Variants in ARMC2 observed in about 807,000 individuals in gnomAD.
ARMC2 encodes armadillo repeat containing 2.
A neutral mutation model predicts 90.3 loss-of-function variants in ARMC2; 67 were observed. The ratio of observed to expected loss-of-function variants is 0.74; its 90% CI spans 0.61 to 0.91. ARMC2 has a LOEUF of 0.91. ARMC2 is among the 40% of genes least tolerant of loss of function. The pLI is 0.00. For missense variants in ARMC2, 920 were observed against 1,030.9 expected, an observed-to-expected ratio of 0.89 and a Z score of 1.47; for synonymous variants, 393 against 393.0, an observed-to-expected ratio of 1.00 and a Z score of 0.00.
chr6:109,000,771 G>A, the ARMC2 span: 5 of 1,047,198 alleles, frequency 4.8e-6, no homozygotes, highest in Non-Finnish European at 6.2e-6. Context: ...AAGTTTATTA[G>A]TATGTTTTCA....
the ARMC2 span, among the ~76,000 whole-genome samples, chr6:109,041,188 T>C: frequency 6.6e-6 from 1 of 150,520 alleles, no homozygotes; most frequent in Non-Finnish European, 1.5e-5. Context: ...GGCATGCACC[T>C]ATAGTCCCAG....
At chr6:108,850,540 C>T (rs1773898467) in intron 1 of ARMC2, among the ~76,000 whole-genome samples, 1 of 152,182 alleles carries the variant, frequency 6.6e-6, no homozygotes, top group Non-Finnish European at 1.5e-5. Context: ...TTGAGTCCTA[C>T]TCTGTGCCAG....
chr6:108,989,584 TAGAG>T, the ARMC2 span, among the ~76,000 whole-genome samples: 235 of 140,516 alleles, frequency 1.7e-3, no homozygotes, highest in African/African-American at 5.1e-3. Flanking sequence ...TATCTATATA[TAGAG>T]AGAGATAGAG....
intron 2 of ARMC2, 51 bp downstream of exon 2, chr6:108,854,536 A>G: frequency 6.5e-7 from 1 of 1,528,942 alleles, no homozygotes. Context: ...GCACCAGGTT[A>G]TACCTTCCCT....
the ARMC2 span, chr6:109,008,977 C>A: frequency 1.4e-3 from 1,377 of 1,008,262 alleles, 13 homozygotes; most frequent in African/African-American, 0.022. Context: ...GGCATATCCA[C>A]AGGCTGTTTC....
chr6:108,882,078 A>G (rs751096286), intron 5 of ARMC2, among the ~76,000 whole-genome samples: 7 of 152,148 alleles, frequency 4.6e-5, no homozygotes, highest in Non-Finnish European at 8.8e-5. Context: ...AAACATGGAA[A>G]GAGTTCAAAC....
chr6:108,850,325 T>C (rs1483034083), intron 1 of ARMC2, among the ~76,000 whole-genome samples: 1 of 152,188 alleles, frequency 6.6e-6, no homozygotes. Context: ...TCTCCTCCTG[T>C]TTCTTTTAAA....
intron 13 of ARMC2, among the ~76,000 whole-genome samples, chr6:108,953,915 T>C (rs1777378214): frequency 6.6e-6 from 1 of 152,214 alleles, no homozygotes; most frequent in South Asian, 2.1e-4. Flanking sequence ...TTATTTCTTA[T>C]GCTTCTGGAG....
At chr6:108,917,708 C>T (rs978895117) in intron 10 of ARMC2, among the ~76,000 whole-genome samples, 4 of 152,022 alleles carry the variant, frequency 2.6e-5, no homozygotes, top group East Asian at 1.9e-4. Flanking sequence ...AATGCAGTGG[C>T]GCAATCTCGG....
At chr6:108,902,973 G>GC (rs1389296884) in intron 7 of ARMC2, among the ~76,000 whole-genome samples, 2 of 152,028 alleles carry the variant, frequency 1.3e-5, no homozygotes, top group African/African-American at 4.8e-5. Flanking sequence ...TTTGAGACCA[G>GC]CCTGGGCAAA....
chr6:108,934,526 G>C (rs967169034), intron 11 of ARMC2, among the ~76,000 whole-genome samples: 2 of 152,044 alleles, frequency 1.3e-5, no homozygotes, highest in Non-Finnish European at 2.9e-5. Flanking sequence ...TGGGTTGGGA[G>C]GTAATCCAAT....
the ARMC2 span, among the ~76,000 whole-genome samples, chr6:109,040,843 G>A: frequency 4.6e-5 from 7 of 151,750 alleles, no homozygotes; most frequent in East Asian, 2.0e-4. Context: ...TAGTAGAGAC[G>A]GGGTTTCACC....
At chr6:108,949,934 A>C (rs1327131861) in intron 12 of ARMC2, among the ~76,000 whole-genome samples, 10 of 152,220 alleles carry the variant, frequency 6.6e-5, no homozygotes, top group Non-Finnish European at 1.5e-4. Context: ...GGCCGGGCAC[A>C]GTGGCTCACG....
At chr6:108,992,759 A>G in the ARMC2 span, 26 of 1,339,726 alleles carry the variant, frequency 1.9e-5, no homozygotes, top group South Asian at 2.9e-4. Flanking sequence ...TTTCTAGTCA[A>G]TCATGTGCAT....
chr6:108,866,879 A>G (rs892861461), intron 3 of ARMC2, among the ~76,000 whole-genome samples: 1 of 152,190 alleles, frequency 6.6e-6, no homozygotes, highest in Non-Finnish European at 1.5e-5. Flanking sequence ...CATTTTGAAG[A>G]ATGTCATCAT....
Position 108,953,253 on chromosome 6 carries a change from A to C in ARMC2, c.1817A>C (p.Lys606Thr), listed in dbSNP as rs953937257. ...PPSEAEDVLI[K>T]LTRVLANIAI... ...TCAGAGGCAGAGGACGTGCTCATCA[A>C]GCTGACTCGTGTGCTGGCCAACATT... The change falls in exon 13 of 18, where the codon AAG (lysine) becomes ACG (threonine). Residue 606 changes from lysine to threonine, a missense_variant. Coordinates refer to ENST00000392644, the MANE Select transcript of ARMC2 (RefSeq NM_032131.6). The C allele has an allele frequency of 2.5e-6, 4 of 1,613,564 alleles. No individual in the cohort carries two copies. The highest frequency in any genetic ancestry group is 3.4e-6 in the Non-Finnish European group (4 of 1,179,898).
At chr6:108,930,540 A>G (rs1262596449) in intron 11 of ARMC2, among the ~76,000 whole-genome samples, 1 of 133,348 alleles carries the variant, frequency 7.5e-6, no homozygotes, top group Non-Finnish European at 1.6e-5. Flanking sequence ...AAGATTAATG[A>G]TTTTTTTTCT....
chr6:109,005,195 A>G, the ARMC2 span, among the ~76,000 whole-genome samples: 1 of 152,350 alleles, frequency 6.6e-6, no homozygotes, highest in South Asian at 2.1e-4. Flanking sequence ...GGCTGTTTCA[A>G]TAAAGTTCAG....
At chr6:108,892,637 T>TA (rs1771187499) in intron 5 of ARMC2, among the ~76,000 whole-genome samples, 1 of 151,610 alleles carries the variant, frequency 6.6e-6, no homozygotes, top group African/African-American at 2.4e-5. Flanking sequence ...CACACGCCTG[T>TA]AATCCCAGCT....
Sources: gnomAD v4.1 joint callset for allele counts (sites outside exome capture counted in the v4.1 genomes callset) on GRCh38, gnomAD v4.1.1 for gene constraint, MANE v1.5 for transcripts, NCBI Gene and HGNC (gene_info 2026-07-23, HGNC 2026-07-21) for gene names.